SPATA33: variants seen among roughly 807,000 people sequenced by gnomAD.
SPATA33 encodes the protein spermatogenesis associated 33, also known as spermatogenesis-associated protein 33.
Under a neutral mutation model 8.9 loss-of-function variants are expected in SPATA33, and 10 were observed. That is an observed-to-expected ratio of 1.12 (90% CI 0.69 to 1.90). SPATA33 has a LOEUF of 1.90. SPATA33 is among the 40% of genes most tolerant of loss of function. The probability of loss-of-function intolerance (pLI) is 0.00; values close to 1 mark genes in which losing one functional copy is unlikely to be tolerated. For synonymous variants in SPATA33, 96 were observed against 72.8 expected (o/e 1.32, Z -1.63); for missense variants, 241 against 178.3 (o/e 1.35, Z -2.00).
intron 1 of SPATA33, 123 bp downstream of exon 1, chr16:89,658,071 C>T: frequency 6.8e-7 from 1 of 1,467,766 alleles, no homozygotes; most frequent in East Asian, 2.4e-5. Context: ...GCGAACCGTT[C>T]CTGCCGCCGA....
Position 89,657,854 on chromosome 16 carries a change from C to T in SPATA33, c.-58C>T. The T allele has an allele frequency of 6.6e-7, 1 of 1,509,072 alleles. No individual in the cohort carries two copies. 93.5% of individuals were successfully genotyped at this position (1,509,072 alleles called of 1,614,324 possible). ...ACCTTTTGTGAGTCGCTCCCGGCTC[C>T]GCGGCCGCGGAGGTGTGGGGACCCG... On this transcript the variant is annotated 5_prime_UTR_variant, in exon 1 of 3. Coordinates refer to ENST00000579310, the MANE Select transcript of SPATA33 (RefSeq NM_001271907.2).
chr16:89,668,568 A>T (rs1056954589), intron 2 of SPATA33, among the ~76,000 whole-genome samples: 6 of 151,930 alleles, frequency 3.9e-5, no homozygotes, highest in Admixed American at 3.3e-4. Flanking sequence ...GTGGCACTCC[A>T]GGAAGGGGGC....
intron 2 of SPATA33, chr16:89,661,280 G>T (rs2059963045): frequency 3.4e-6 from 3 of 882,630 alleles, no homozygotes; most frequent in Non-Finnish European, 4.1e-6. Context: ...TGGGTGGGAG[G>T]TGATTGAATT....
chr16:89,668,173 G>A (rs1398877029), intron 2 of SPATA33: 2 of 152,268 alleles, frequency 1.3e-5, no homozygotes, highest in East Asian at 3.8e-4. Context: ...TTCCCCAGGT[G>A]TGGTGGCAGG....
At chr16:89,660,986 T>A in intron 2 of SPATA33, 1 of 996,690 alleles carries the variant, frequency 1.0e-6, no homozygotes, top group Non-Finnish European at 1.2e-6. Flanking sequence ...TCCCTGTACG[T>A]CTCAGTGAGT....
chr16:89,658,099 C>T (rs1042063078), intron 1 of SPATA33, 149 bp from the exon 2 acceptor site: 3 of 1,487,032 alleles, frequency 2.0e-6, no homozygotes, highest in African/African-American at 1.4e-5. Flanking sequence ...ACGGACGGCG[C>T]GTTTCCCGCC....
chr16:89,663,565 T>G (rs2059989737), intron 2 of SPATA33, among the ~76,000 whole-genome samples: 1 of 152,068 alleles, frequency 6.6e-6, no homozygotes, highest in South Asian at 2.1e-4. Flanking sequence ...TTCTGTAACA[T>G]TCTCTGAATG....
intron 2 of SPATA33, among the ~76,000 whole-genome samples, chr16:89,666,753 A>G (rs1353723080): frequency 3.3e-5 from 5 of 152,174 alleles, no homozygotes; most frequent in Non-Finnish European, 7.3e-5. Flanking sequence ...AGCCATCTCC[A>G]ATGATAGGTG....
intron 2 of SPATA33, 86 bp downstream of exon 2, chr16:89,658,507 C>G (rs181463820): frequency 1.3e-6 from 2 of 1,484,646 alleles, no homozygotes; most frequent in Admixed American, 2.4e-5. Context: ...AAGACCCTAC[C>G]GGATGGACAC....
Position 89,669,525 on chromosome 16 carries a change from C to T in SPATA33, c.*28C>T. 6.2e-7 allele frequency: 1 copy of T among 1,603,310 alleles called. No homozygotes were observed. The highest frequency in any genetic ancestry group is 8.5e-7 in the Non-Finnish European group (1 of 1,173,162). ...AAGCACCTTTGCATGGCACTCGCTA[C>T]TCCCTGCGATAGGCGTCTCGGGAAC... On this transcript the variant is annotated 3_prime_UTR_variant, in exon 3 of 3. Coordinates refer to ENST00000579310, the MANE Select transcript of SPATA33 (RefSeq NM_001271907.2).
intron 2 of SPATA33, among the ~76,000 whole-genome samples, chr16:89,664,037 T>G: frequency 6.6e-6 from 1 of 152,108 alleles, no homozygotes; most frequent in Non-Finnish European, 1.5e-5. Context: ...GAGGATCCCT[T>G]GACCCCATGA....
chr16:89,660,659 C>A, intron 2 of SPATA33: 2 of 901,980 alleles, frequency 2.2e-6, no homozygotes, highest in Non-Finnish European at 2.9e-6. Context: ...TGTTGCAGTT[C>A]CCTTTCCATG....
In SPATA33 at chr16:89,669,740, A is replaced by G; in HGVS notation, c.*243A>G. On this transcript the variant is annotated 3_prime_UTR_variant, in exon 3 of 3. Coordinates refer to ENST00000579310, the MANE Select transcript of SPATA33 (RefSeq NM_001271907.2). The stretch of plus-strand genomic sequence containing the variant: ...CCAGTGCTCTCAGGGAGGGTGCACC[A>G]GGCCTGCCCCCGCCGTGAGAAACTG... 3.8e-6 allele frequency: 2 copies of G among 530,458 alleles called. No homozygotes were observed. Among genetic ancestry groups the G allele is most frequent in the Non-Finnish European group, 6.7e-6 (2 of 299,270 alleles). The allele number at this position is 530,458 out of a possible 1,614,324, so 32.9% of individuals were successfully genotyped here.
At chr16:89,663,783 C>T (rs2059991857) in intron 2 of SPATA33, among the ~76,000 whole-genome samples, 1 of 152,022 alleles carries the variant, frequency 6.6e-6, no homozygotes, top group Non-Finnish European at 1.5e-5. Context: ...GTACCGGAGT[C>T]CATTTCCTCG....
chr16:89,668,551 C>T (rs1053786568), intron 2 of SPATA33, among the ~76,000 whole-genome samples: 4 of 152,094 alleles, frequency 2.6e-5, no homozygotes, highest in Admixed American at 6.5e-5. Flanking sequence ...TGCCCTAGCT[C>T]GTAGCAGTGG....
intron 2 of SPATA33, among the ~76,000 whole-genome samples, chr16:89,664,218 T>C (rs2059996235): frequency 6.6e-6 from 1 of 152,200 alleles, no homozygotes; most frequent in Non-Finnish European, 1.5e-5. Flanking sequence ...GTAGAACAAA[T>C]GATAAGCTCA....
intron 2 of SPATA33, among the ~76,000 whole-genome samples, chr16:89,664,567 C>T (rs983769387): frequency 2.0e-5 from 3 of 150,706 alleles, no homozygotes; most frequent in Non-Finnish European, 3.0e-5. Flanking sequence ...CTTTAGGGCC[C>T]GACCTGATCA....
intron 2 of SPATA33, chr16:89,660,940 AG>A: frequency 2.0e-6 from 2 of 1,017,676 alleles, no homozygotes; most frequent in Non-Finnish European, 1.2e-6. Flanking sequence ...CATGCACCTC[AG>A]GGGGAGCCAG....
chr16:89,668,100 T>C (rs2060050836), intron 2 of SPATA33: 1 of 152,308 alleles, frequency 6.6e-6, no homozygotes. Context: ...TCACCTGAGG[T>C]CGGGAGTTCA....
Sources: gnomAD v4.1 joint callset for allele counts (sites outside exome capture counted in the v4.1 genomes callset) on GRCh38, gnomAD v4.1.1 for gene constraint, MANE v1.5 for transcripts, NCBI Gene and HGNC (gene_info 2026-07-23, HGNC 2026-07-21) for gene names.